GNG7: variants seen among roughly 807,000 people sequenced by gnomAD.
GNG7 encodes the protein G protein subunit gamma 7, also known as guanine nucleotide-binding protein G(I)/G(S)/G(O) subunit gamma-7.
Under a neutral mutation model 4.0 loss-of-function variants are expected in GNG7, and 1 was observed. The observed-to-expected ratio is 0.25, with a 90% confidence interval of 0.09 to 1.18. The LOEUF (loss-of-function observed/expected upper bound fraction) is 1.18, where lower values mean the gene tolerates loss of function less well. GNG7 is among the 50% of genes most tolerant of loss of function. GNG7 has a pLI of 0.50. For synonymous variants in GNG7, 34 were observed against 36.9 expected (o/e 0.92, Z 0.29); for missense variants, 86 against 91.9 (o/e 0.94, Z 0.26).
Position 2,646,531 on chromosome 19 carries a change from T to C in GNG7, c.-134-251A>G, listed in dbSNP as rs150921422. 1.4e-3 allele frequency among the ~76,000 whole-genome samples: 208 copies of C among 151,966 alleles called. 2 individuals carry two copies. The highest frequency in any genetic ancestry group is 5.0e-3 in the African/African-American group (206 of 41,434). ...CAAAATCCCGTCTCTACTAAAAATA[T>C]AAAAATTAGCCAACGTGGTGGTGGG... On this transcript the variant is annotated intron_variant, in intron 1 of 4. Transcript: ENST00000382159.
chr19:2,530,346 G>A (rs1249606018), intron 3 of GNG7, among the ~76,000 whole-genome samples: 1 of 151,874 alleles, frequency 6.6e-6, no homozygotes, highest in African/African-American at 2.4e-5. Flanking sequence ...CCGGGAGGCA[G>A]TGGTTGCAGT....
At chr19:2,677,622 C>A (rs1439734206) in intron 1 of GNG7, among the ~76,000 whole-genome samples, 1 of 152,210 alleles carries the variant, frequency 6.6e-6, no homozygotes, top group Non-Finnish European at 1.5e-5. Flanking sequence ...TCTCCCTCCC[C>A]ACTCAGGGTG....
At chr19:2,585,501 C>T (rs73522583) in intron 2 of GNG7, among the ~76,000 whole-genome samples, 55,859 of 151,824 alleles carry the variant, frequency 0.37, 12,002 homozygotes, top group African/African-American at 0.58. Flanking sequence ...AAAGAGTATA[C>T]GAAGTGCCTG....
chr19:2,557,080 C>T lies in GNG7; in HGVS notation c.-77-1892G>A, dbSNP rs1979572587. Among the ~76,000 whole-genome samples, 1 of 151,762 alleles carries T rather than the reference C, an allele frequency of 6.6e-6. No homozygotes were observed. The highest frequency in any genetic ancestry group is 2.4e-5 in the African/African-American group (1 of 41,282). ...ATATGCACGCACACAGACACACGCA[C>T]ACACGTGCACACAGGAATACTCAGA... On this transcript the variant is annotated intron_variant, in intron 2 of 4. Coordinates refer to ENST00000382159, the MANE Select transcript of GNG7 (RefSeq NM_052847.3). The surrounding 1 kb of genome is among the most constrained non-coding windows in gnomAD (Gnocchi z 5.1).
chr19:2,511,264 TC>T lies in GNG7; in HGVS notation c.*3757del, dbSNP rs1972651458. 1 of 152,198 alleles carries T rather than the reference TC, an allele frequency of 6.6e-6. No individual in the cohort carries two copies. The highest frequency in any genetic ancestry group is 6.6e-5 in the Admixed American group (1 of 15,266). 9.4% of individuals were successfully genotyped at this position (152,198 alleles called of 1,614,324 possible). A position where few individuals can be genotyped will look rare whatever the true frequency, so the allele number is the denominator to read the frequency against. ...TTATTGTGTATGAATTCACGTGGTATCGACAACTCCACACAATATTAAAACA... is the reference window on the plus strand; with the variant it reads ...TTATTGTGTATGAATTCACGTGGTATGACAACTCCACACAATATTAAAACA... On this transcript the variant is annotated 3_prime_UTR_variant, in exon 5 of 5. Coordinates refer to ENST00000382159, the MANE Select transcript of GNG7 (RefSeq NM_052847.3). The surrounding 1 kb of genome is among the most constrained non-coding windows in gnomAD (Gnocchi z 6.3).
In GNG7 at chr19:2,546,827, A is replaced by T. The variant is rs1979144244; in HGVS notation, c.-38+8322T>A. On this transcript the variant is annotated intron_variant, in intron 3 of 4. Coordinates refer to ENST00000382159, the MANE Select transcript of GNG7 (RefSeq NM_052847.3). This position sits in a 1 kb window ranked among gnomAD's most constrained non-coding sequence, Gnocchi z 6.3. ...GCGGGGGCGGGGGATGACCACGGTC[A>T]TGTGAGAGTTTGCAAGCCCGGGAAC... is the stretch of plus-strand genomic sequence containing the variant. Among the ~76,000 whole-genome samples the T allele has an allele frequency of 6.6e-6, 1 of 152,156 alleles. No individual in the cohort carries two copies. Among genetic ancestry groups the T allele is most frequent in the Admixed American group, 6.5e-5 (1 of 15,280 alleles).
rs1599382122 is a variant in GNG7 at position 2,544,036 on chromosome 19, T to A, written c.-38+11113A>T. Among the ~76,000 whole-genome samples the A allele has an allele frequency of 2.0e-5, 3 of 151,600 alleles. No individual in the cohort carries two copies. In the South Asian group the frequency reaches 6.2e-4, roughly 32 times the overall value. On this transcript the variant is annotated intron_variant, in intron 3 of 4. Transcript: ENST00000382159. Reference sequence around the variant, plus strand: ...CCTGCCTCGAAAAAGGAAAGAAAAATAAACCCCAAGCAACAAAACCAGCAA... The same window carrying A: ...CCTGCCTCGAAAAAGGAAAGAAAAAAAAACCCCAAGCAACAAAACCAGCAA...
intron 1 of GNG7, among the ~76,000 whole-genome samples, chr19:2,650,404 G>A (rs536387003): frequency 6.6e-6 from 1 of 152,120 alleles, no homozygotes; most frequent in South Asian, 2.1e-4. Context: ...GGCCAGGCTG[G>A]TCTTGAACTC....
chr19:2,661,296 A>AAGAGAG lies in GNG7; in HGVS notation c.-134-15017_-134-15016insCTCTCT, dbSNP rs61275453. Among the ~76,000 whole-genome samples the AAGAGAG allele has an allele frequency of 6.3e-4, 37 of 58,594 alleles. 5 individuals carry two copies. Among genetic ancestry groups the AAGAGAG allele is most frequent in the East Asian group, 5.9e-3 (11 of 1,852 alleles). The allele number at this position is 58,594 out of a possible 152,430, so 38.4% of individuals were successfully genotyped here. ...AAAGAAAGAAAGAAAGAAAGAAAGA[A>AAGAGAG]AGAAAGAGAAAGAAAGAAAGAAAGA... On this transcript the variant is annotated intron_variant, in intron 1 of 4. Transcript: ENST00000382159.
At chr19:2,677,322 CAGGGGATGCT>C (rs1002890871) in intron 1 of GNG7, among the ~76,000 whole-genome samples, 3 of 151,638 alleles carry the variant, frequency 2.0e-5, no homozygotes, top group Non-Finnish European at 4.4e-5. Context: ...TTCTGGTCCC[CAGGGGATGCT>C]AGGTGGTGTC....
intron 3 of GNG7, among the ~76,000 whole-genome samples, chr19:2,528,365 GA>G (rs963706049): frequency 6.7e-6 from 1 of 148,346 alleles, no homozygotes; most frequent in African/African-American, 2.5e-5. Context: ...GAGGCCAGGA[GA>G]TACAGACCAT....
intron 1 of GNG7, among the ~76,000 whole-genome samples, chr19:2,693,064 G>A (rs886385077): frequency 2.0e-5 from 3 of 151,852 alleles, no homozygotes; most frequent in Non-Finnish European, 4.4e-5. Flanking sequence ...TCTGAAGTGG[G>A]TGGATCACTT....
At chr19:2,686,027 C>T (rs1446134480) in intron 1 of GNG7, among the ~76,000 whole-genome samples, 1 of 152,164 alleles carries the variant, frequency 6.6e-6, no homozygotes, top group African/African-American at 2.4e-5. Context: ...TTCCAACAAT[C>T]CTCTGCCTTT....
rs1479248431 is a variant in GNG7 at position 2,609,876 on chromosome 19, G to T, written c.-78+36348C>A. ...CCAGTGAACTCAGTGCACTTCTGGA[G>T]CTCCCTGACCACGAGTGAGGAAATT... On this transcript the variant is annotated intron_variant, in intron 2 of 4. Transcript: ENST00000382159. This position sits in a 1 kb window ranked among gnomAD's most constrained non-coding sequence, Gnocchi z 4.4. Among the ~76,000 whole-genome samples, 3 of 152,136 alleles carry T rather than the reference G, an allele frequency of 2.0e-5. No homozygotes were observed. Among genetic ancestry groups the T allele is most frequent in the Non-Finnish European group, 2.9e-5 (2 of 68,024 alleles).
intron 2 of GNG7, among the ~76,000 whole-genome samples, chr19:2,564,506 G>A (rs990239457): frequency 6.6e-6 from 1 of 152,094 alleles, no homozygotes; most frequent in Admixed American, 6.6e-5. Flanking sequence ...CCCAAGAGGC[G>A]GAGGTTGCAA....
intron 1 of GNG7, among the ~76,000 whole-genome samples, chr19:2,672,869 C>T (rs571816703): frequency 3.9e-5 from 6 of 152,268 alleles, no homozygotes; most frequent in African/African-American, 1.4e-4. Flanking sequence ...ATGTGTTCTC[C>T]CCAGAGCCCT....
Position 2,545,199 on chromosome 19 carries a change from G to A in GNG7, c.-38+9950C>T, listed in dbSNP as rs2144751375. Among the ~76,000 whole-genome samples the A allele has an allele frequency of 1.3e-5, 2 of 151,848 alleles. 1 individual carries two copies. The highest frequency in any genetic ancestry group is 4.8e-5 in the African/African-American group (2 of 41,410). On this transcript the variant is annotated intron_variant, in intron 3 of 4. Coordinates refer to ENST00000382159, the MANE Select transcript of GNG7 (RefSeq NM_052847.3). Reference sequence around the variant, plus strand: ...TGGGCGCTGTCTGGCGACATCTGTGGTTGTCGTAACTGGGGGGTGCTCCTG... The same window carrying A: ...TGGGCGCTGTCTGGCGACATCTGTGATTGTCGTAACTGGGGGGTGCTCCTG...
At chr19:2,598,424 G>C (rs1424870173) in intron 2 of GNG7, among the ~76,000 whole-genome samples, 1 of 151,530 alleles carries the variant, frequency 6.6e-6, no homozygotes, top group South Asian at 2.1e-4. Context: ...TTGGGAGGCC[G>C]AGGCGGGCGG....
At chr19:2,593,222 G>A (rs971420961) in intron 2 of GNG7, among the ~76,000 whole-genome samples, 1 of 152,110 alleles carries the variant, frequency 6.6e-6, no homozygotes, top group Non-Finnish European at 1.5e-5. Flanking sequence ...GAGGGGAGAG[G>A]CTTCTGGTCT....
Sources: gnomAD v4.1 joint callset for allele counts (sites outside exome capture counted in the v4.1 genomes callset) on GRCh38, gnomAD v4.1.1 for gene constraint, Gnocchi (gnomAD v3.1) non-coding constraint, MANE v1.5 for transcripts, NCBI Gene and HGNC (gene_info 2026-07-23, HGNC 2026-07-21) for gene names.